Variants in PDLIM7 observed in about 807,000 individuals in gnomAD.
The protein encoded by PDLIM7 is PDZ and LIM domain 7.
In PDLIM7, 37 loss-of-function variants were observed where a neutral mutation model predicts 53.9. The ratio of observed to expected loss-of-function variants is 0.69; its 90% CI spans 0.53 to 0.90. The LOEUF is 0.90. Ranked by LOEUF, PDLIM7 falls within the 40% of genes least tolerant of loss-of-function variation. PDLIM7 has a pLI of 0.00. For synonymous variants in PDLIM7, 300 were observed against 261.3 expected, an observed-to-expected ratio of 1.15 and a Z score of -1.43; for missense variants, 617 against 638.5, an observed-to-expected ratio of 0.97 and a Z score of 0.36.
At chr5:177,490,515 C>G (rs1283181365) in intron 7 of PDLIM7, 7 of 1,561,952 alleles carry the variant, frequency 4.5e-6, no homozygotes, top group Non-Finnish European at 6.1e-6. Context: ...GCACGTTGAG[C>G]ACGTGGGCAG....
At chr5:177,483,780 G>A (rs1758300492) in intron 12 of PDLIM7, 50 bp from the exon 13 acceptor site, 1 of 1,578,808 alleles carries the variant, frequency 6.3e-7, no homozygotes, top group African/African-American at 1.3e-5. Context: ...AGCAGGAGAG[G>A]CCCCTTCCCA....
At chr5:177,490,396 G>C (rs932449346) in intron 7 of PDLIM7, 2 of 1,487,894 alleles carry the variant, frequency 1.3e-6, no homozygotes, top group Admixed American at 2.2e-5. Flanking sequence ...GCACGAAAGG[G>C]GGGGTGAGGT....
chr5:177,491,715 G>A, intron 5 of PDLIM7, 92 bp downstream of exon 5: 1 of 756,756 alleles, frequency 1.3e-6, no homozygotes, highest in Non-Finnish European at 2.0e-6. Context: ...CGCCGGGCTG[G>A]GGCGCAGCAC....
chr5:177,495,407 C>T (rs895043811), intron 2 of PDLIM7, among the ~76,000 whole-genome samples: 3 of 152,186 alleles, frequency 2.0e-5, no homozygotes, highest in Non-Finnish European at 2.9e-5. Context: ...GCCCACCCGG[C>T]GCCTGGGTGG....
At chr5:177,489,075 G>A (rs1758606625) in intron 9 of PDLIM7, among the ~76,000 whole-genome samples, 2 of 152,214 alleles carry the variant, frequency 1.3e-5, no homozygotes, top group Admixed American at 1.3e-4. Flanking sequence ...AGAGCAGGAG[G>A]GAGGGGCAGA....
rs377480293 is a variant in PDLIM7 at position 177,484,218 on chromosome 5, G to C, written c.1051-28C>G. ...GGAAGGAGGTCCCAGTCACTCGGCA[G>C]GCTCAGGCCCCTCCTGCCCTGCCCT... On this transcript the variant is annotated intron_variant, in intron 10 of 12. Coordinates refer to ENST00000355841, the MANE Select transcript of PDLIM7 (RefSeq NM_005451.5). 4.3e-6 allele frequency: 7 copies of C among 1,609,812 alleles called. No individual in the cohort carries two copies. The African/African-American group carries it at 9.3e-5, about 21-fold the overall frequency.
In PDLIM7 at chr5:177,483,969, C is replaced by T; in HGVS notation, c.1185G>A (p.Met395Ile). The T allele has an allele frequency of 6.2e-7, 1 of 1,613,898 alleles. No individual in the cohort carries two copies. Reference protein sequence around the residue: ...VPYCERDYEKMFGTKCHGCDF... With the variant: ...VPYCERDYEKIFGTKCHGCDF... ...CACAGCCATGGCATTTCGTGCCAAA[C>T]ATCTTCTCATAGTCTGAGAATGGGG... Residue 395 changes from methionine (M) to isoleucine (I), a missense_variant, in exon 12 of 13, where the codon ATG becomes ATA. Physicochemically the swap from Met to Ile is conservative, Grantham distance 10. Coordinates refer to ENST00000355841, the MANE Select transcript of PDLIM7 (RefSeq NM_005451.5).
chr5:177,484,216 C>A (rs942051974), intron 10 of PDLIM7, 26 bp from the exon 11 acceptor site: 4 of 1,609,918 alleles, frequency 2.5e-6, no homozygotes, highest in Non-Finnish European at 8.5e-7. Context: ...AGTCACTCGG[C>A]AGGCTCAGGC....
intron 2 of PDLIM7, chr5:177,492,891 T>C: frequency 5.3e-6 from 3 of 570,080 alleles, no homozygotes; most frequent in Non-Finnish European, 3.1e-6. Context: ...ACACTGCTTA[T>C]TTATTCACTG....
chr5:177,493,550 T>C (rs1758912277), intron 2 of PDLIM7, among the ~76,000 whole-genome samples: 1 of 152,196 alleles, frequency 6.6e-6, no homozygotes, highest in African/African-American at 2.4e-5. Flanking sequence ...TCACTTACGA[T>C]GGCTTTGAAT....
chr5:177,491,786 G>C, intron 5 of PDLIM7, 21 bp downstream of exon 5: 1 of 1,154,786 alleles, frequency 8.7e-7, no homozygotes, highest in African/African-American at 1.6e-5. Flanking sequence ...CGTGGGCGCG[G>C]GCGGGCAGGG....
chr5:177,483,882 G>A lies in PDLIM7; in HGVS notation c.1272C>T (p.Thr424=). 11 of 1,613,670 alleles carry A rather than the reference G, an allele frequency of 6.8e-6. No individual in the cohort carries two copies. Among genetic ancestry groups the A allele is most frequent in the Non-Finnish European group, 9.3e-6 (11 of 1,179,866 alleles). ...LEALGFSWHD[T]CFVCAICQIN... ...GGGCTCTCACCGCACAGACGAAGCAGGTGTCATGCCAGCTGAAGCCCAGGG... is the reference window on the plus strand; with the variant it reads ...GGGCTCTCACCGCACAGACGAAGCAAGTGTCATGCCAGCTGAAGCCCAGGG... The change falls in exon 12 of 13, where the codon ACC becomes ACT. Residue 424 remains threonine, a synonymous_variant. Transcript: ENST00000355841.
Position 177,491,391 on chromosome 5 carries a change from G to A in PDLIM7, c.399-245C>T, listed in dbSNP as rs867482010. ...GGAAGAAGAAAGGCACAGGCAGAGGGGGGCTCACTGACTTGTCAGGGGTCT... is the reference window on the plus strand; with the variant it reads ...GGAAGAAGAAAGGCACAGGCAGAGGAGGGCTCACTGACTTGTCAGGGGTCT... On this transcript the variant is annotated intron_variant, in intron 5 of 12. Transcript: ENST00000355841. The A allele has an allele frequency of 4.5e-6, 7 of 1,552,164 alleles. 1 individual carries two copies. The highest frequency in any genetic ancestry group is 3.4e-4 in the Middle Eastern group (2 of 5,960).
chr5:177,487,733 G>A (rs557452748), intron 10 of PDLIM7, among the ~76,000 whole-genome samples: 11 of 152,242 alleles, frequency 7.2e-5, no homozygotes, highest in South Asian at 2.1e-4. Context: ...TGAGGAGGAC[G>A]CATGAGACAG....
intron 7 of PDLIM7, 148 bp from the exon 8 acceptor site, chr5:177,489,980 G>A: frequency 6.5e-7 from 1 of 1,535,722 alleles, no homozygotes; most frequent in Non-Finnish European, 8.7e-7. Flanking sequence ...GGTAGGGATG[G>A]GAAGGGCAGC....
chr5:177,489,917 G>C (rs1478573697), intron 7 of PDLIM7, 85 bp from the exon 8 acceptor site: 2 of 1,540,422 alleles, frequency 1.3e-6, no homozygotes, highest in Non-Finnish European at 1.7e-6. Context: ...CTGGCCCCAC[G>C]GGAGATGACT....
intron 10 of PDLIM7, 84 bp downstream of exon 10, chr5:177,487,984 G>T: frequency 7.3e-7 from 1 of 1,368,626 alleles, no homozygotes; most frequent in Non-Finnish European, 9.9e-7. Flanking sequence ...CACTCGGGGA[G>T]AGACCTGGAC....
chr5:177,485,522 G>A (rs966611585), intron 10 of PDLIM7, among the ~76,000 whole-genome samples: 1 of 152,224 alleles, frequency 6.6e-6, no homozygotes, highest in East Asian at 1.9e-4. Context: ...TCCCAGCCTT[G>A]TGAGGCTGTT....
chr5:177,490,712 G>T (rs1758713751), intron 7 of PDLIM7, 158 bp downstream of exon 7: 1 of 620,948 alleles, frequency 1.6e-6, no homozygotes, highest in Admixed American at 3.3e-5. Flanking sequence ...GAAGGAGGAA[G>T]GGAAGGAAGG....
Sources: allele counts gnomAD v4.1 joint callset (sites outside exome capture counted in the v4.1 genomes callset), GRCh38; gene constraint gnomAD v4.1.1; transcripts MANE v1.5; gene names NCBI Gene and HGNC (gene_info 2026-07-23, HGNC 2026-07-21).